PDCD2: variants seen among roughly 807,000 people sequenced by gnomAD.
PDCD2 encodes the protein programmed cell death 2, also known as uS5 assembly chaperone PDCD2.
Under a neutral mutation model 38.1 loss-of-function variants are expected in PDCD2, and 38 were observed. The observed-to-expected ratio is 1.00, with a 90% CI of 0.77 to 1.31. The LOEUF is 1.31. Ranked by LOEUF, PDCD2 falls within the 50% of genes most tolerant of loss-of-function variation. The pLI is 0.00. For missense variants in PDCD2, 473 were observed against 435.7 expected (o/e 1.09, Z -0.76); for synonymous variants, 205 against 168.9 (o/e 1.21, Z -1.66).
chr6:170,578,381 A>C, intron 5 of PDCD2: 1 of 494,250 alleles, frequency 2.0e-6, no homozygotes, highest in Non-Finnish European at 3.6e-6. Flanking sequence ...TTTGATGCTA[A>C]CAAATCCTTT....
At chr6:170,583,852 G>C in intron 1 of PDCD2, 105 bp from the exon 2 acceptor site, 2 of 941,936 alleles carry the variant, frequency 2.1e-6, no homozygotes. Context: ...AAAAAGAAAT[G>C]AAAGTTTTTG....
chr6:170,579,680 G>A lies in PDCD2; in HGVS notation c.762+322C>T, dbSNP rs529161313. 10 of 184,290 alleles carry A rather than the reference G, an allele frequency of 5.4e-5. 1 individual carries two copies. In the East Asian group the frequency reaches 1.1e-3, roughly 20 times the overall value. The allele number at this position is 184,290 out of a possible 1,614,324, so 11.4% of individuals were successfully genotyped here. On this transcript the variant is annotated intron_variant, in intron 4 of 5. Transcript: ENST00000541970. ...TAACCTTTTTTCTTTCTGGCGGGGGGGCCAATGGTGCCTAAACCTCATGTA... is the reference window on the plus strand; with the variant it reads ...TAACCTTTTTTCTTTCTGGCGGGGGAGCCAATGGTGCCTAAACCTCATGTA...
At chr6:170,583,299 G>A (rs913734811) in intron 2 of PDCD2, 111 bp from the exon 3 acceptor site, 53 of 932,604 alleles carry the variant, frequency 5.7e-5, no homozygotes, top group African/African-American at 1.0e-4. Context: ...TTTAGATAAA[G>A]GGTCATAAAT....
intron 4 of PDCD2, chr6:170,579,780 T>C: frequency 2.4e-6 from 1 of 417,886 alleles, no homozygotes; most frequent in Non-Finnish European, 4.3e-6. Context: ...ATAAACAGTA[T>C]AACCTTTAGT....
At position 170,582,804 on chromosome 6, in the gene PDCD2, C is replaced by T; in HGVS notation, c.658+253G>A. The T allele has an allele frequency of 3.8e-6, 5 of 1,304,074 alleles. No individual in the cohort carries two copies. The South Asian group carries it at 9.0e-5, about 24-fold the overall frequency. 80.8% of individuals were successfully genotyped at this position (1,304,074 alleles called of 1,614,324 possible). Reference sequence around the variant, plus strand: ...CCAGAGGAACTTACCAAGCCTCCAGCATCTTGTGCAGCCCTACTCATGGGA... The same window carrying T: ...CCAGAGGAACTTACCAAGCCTCCAGTATCTTGTGCAGCCCTACTCATGGGA... On this transcript the variant is annotated intron_variant, in intron 3 of 5. Transcript: ENST00000541970.
Position 170,584,385 on chromosome 6 carries a change from G to A in PDCD2, c.197C>T (p.Ala66Val), listed in dbSNP as rs1238443523. Reference protein sequence around the residue: ...RPLSFLLQVYAPLPGRPDAFH... With the variant: ...RPLSFLLQVYVPLPGRPDAFH... ...GGCGTCCGGGCGGCCAGGCAGCGGCGCATACACCTGCAGCAGGAAGGAGAG... is the reference window on the plus strand; with the variant it reads ...GGCGTCCGGGCGGCCAGGCAGCGGCACATACACCTGCAGCAGGAAGGAGAG... Residue 66 changes from alanine (A) to valine (V), a missense_variant, in exon 1 of 6, where the codon GCG becomes GTG. Physicochemically the swap from Ala to Val is moderately conservative, Grantham distance 64 (BLOSUM62 0). Coordinates refer to ENST00000541970, the MANE Select transcript of PDCD2 (RefSeq NM_002598.4). 2 of 1,473,832 alleles carry A rather than the reference G, an allele frequency of 1.4e-6. No individual in the cohort carries two copies. Among genetic ancestry groups the A allele is most frequent in the South Asian group, 1.4e-5 (1 of 73,480 alleles). 91.3% of individuals were successfully genotyped at this position (1,473,832 alleles called of 1,614,324 possible).
chr6:170,578,286 A>G (rs1457372295), intron 5 of PDCD2, among the ~76,000 whole-genome samples: 1 of 152,194 alleles, frequency 6.6e-6, no homozygotes, highest in Non-Finnish European at 1.5e-5. Context: ...TTTTTTACCC[A>G]AAGAAACAAA....
intron 5 of PDCD2, 178 bp downstream of exon 5, chr6:170,578,679 A>G: frequency 5.7e-6 from 4 of 705,158 alleles, no homozygotes; most frequent in Non-Finnish European, 1.0e-5. Flanking sequence ...AAAAAACAAG[A>G]CAGTTCCTTC....
Position 170,583,709 on chromosome 6 carries a change from A to G in PDCD2, c.322T>C (p.Ser108Pro). 3.7e-6 allele frequency: 6 copies of G among 1,613,404 alleles called. No individual in the cohort carries two copies. The highest frequency in any genetic ancestry group is 5.1e-6 in the Non-Finnish European group (6 of 1,179,448). Reference protein sequence around the residue: ...NQLPRKNDFYSYEPPSENPPP... With the variant: ...NQLPRKNDFYPYEPPSENPPP... ...GGATTCTCAGAAGGTGGCTCATATG[A>G]GTAAAAATCGTTTTTCCTGGGTAGT... Residue 108 changes from serine (S) to proline (P), a missense_variant, in exon 2 of 6, where the codon TCA becomes CCA. By Grantham distance (74) the Ser-to-Pro change is moderately conservative. Coordinates refer to ENST00000541970, the MANE Select transcript of PDCD2 (RefSeq NM_002598.4).
rs1327776825 is a variant in PDCD2 at position 170,582,277 on chromosome 6, C to T, written c.658+780G>A. 20 of 1,502,492 alleles carry T rather than the reference C, an allele frequency of 1.3e-5. No individual in the cohort carries two copies. In the Admixed American group the frequency reaches 3.9e-4, roughly 30 times the overall value. The allele number at this position is 1,502,492 out of a possible 1,614,324, so 93.1% of individuals were successfully genotyped here. A position where few individuals can be genotyped will look rare whatever the true frequency, so the allele number is the denominator to read the frequency against. On this transcript the variant is annotated intron_variant, in intron 3 of 5. Coordinates refer to ENST00000541970, the MANE Select transcript of PDCD2 (RefSeq NM_002598.4). ...TTCCCATTATATCCCTGTTATCAAG[C>T]ACAAGGTCAGGCACAGAGTAAGACT...
intron 2 of PDCD2, 112 bp downstream of exon 2, chr6:170,583,393 A>C (rs1289923666): frequency 7.7e-7 from 1 of 1,295,596 alleles, no homozygotes; most frequent in African/African-American, 1.6e-5. Flanking sequence ...CAGGCATGAA[A>C]AATTTTAAAG....
At chr6:170,582,051 A>G (rs748879621) in intron 3 of PDCD2, 361 of 1,448,570 alleles carry the variant, frequency 2.5e-4, no homozygotes, top group Non-Finnish European at 3.2e-4. Context: ...TCTCCTAAAG[A>G]TAAGCATTTT....
At chr6:170,583,360 T>C in intron 2 of PDCD2, 145 bp downstream of exon 2, 1 of 1,001,186 alleles carries the variant, frequency 1.0e-6, no homozygotes, top group Non-Finnish European at 1.4e-6. Flanking sequence ...CACAGCCTTT[T>C]TTTTTTTTTT....
In PDCD2 at chr6:170,576,634, G is replaced by T. The variant is rs1779458096; in HGVS notation, c.*925C>A. 6.6e-6 allele frequency: 1 copy of T among 152,170 alleles called. No homozygotes were observed. The highest frequency in any genetic ancestry group is 2.4e-5 in the African/African-American group (1 of 41,436). 9.4% of individuals were successfully genotyped at this position (152,170 alleles called of 1,614,324 possible). A position where few individuals can be genotyped will look rare whatever the true frequency, so the allele number is the denominator to read the frequency against. On this transcript the variant is annotated 3_prime_UTR_variant, in exon 6 of 6. Transcript: ENST00000541970. Reference sequence around the variant, plus strand: ...TGTATCAGAAACATAATAGGCCAAGGGTCAGCCCTTTGAAAACTGACTTCA... The same window carrying T: ...TGTATCAGAAACATAATAGGCCAAGTGTCAGCCCTTTGAAAACTGACTTCA...
intron 3 of PDCD2, chr6:170,582,186 T>C: frequency 6.7e-7 from 1 of 1,494,980 alleles, no homozygotes; most frequent in South Asian, 1.2e-5. Flanking sequence ...ATATGGACTT[T>C]AACTTCCCCA....
At position 170,580,075 on chromosome 6, in the gene PDCD2, A is replaced by G. The variant is rs745426165; in HGVS notation, c.689T>C (p.Met230Thr). ...GEALEEELDS[M>T]AKHESREDKI... is the part of the protein sequence containing the mutation. The stretch of plus-strand genomic sequence containing the variant: ...ATCTTCCCTGGATTCATGTTTTGCC[A>G]TGGAATCCAGTTCTTCCTCAAGTGC... Residue 230 changes from methionine (M) to threonine (T), a missense_variant, in exon 4 of 6, where the codon ATG becomes ACG. Physicochemically the swap from Met to Thr is moderately conservative, Grantham distance 81 (BLOSUM62 -1). Transcript: ENST00000541970. The G allele has an allele frequency of 2.5e-6, 4 of 1,611,452 alleles. No individual in the cohort carries two copies. The highest frequency in any genetic ancestry group is 2.2e-5 in the East Asian group (1 of 44,858).
chr6:170,577,506 G>T lies in PDCD2; in HGVS notation c.*53C>A. On this transcript the variant is annotated 3_prime_UTR_variant, in exon 6 of 6. Transcript: ENST00000541970. ...TTCCTTAGGATAAAATCCCAGAAAT[G>T]GAATTGCAAGGTATAAAAGATTATT... 2.7e-6 allele frequency: 4 copies of T among 1,455,230 alleles called. No individual in the cohort carries two copies. The highest frequency in any genetic ancestry group is 2.4e-5 in the South Asian group (2 of 84,474). 90.1% of individuals were successfully genotyped at this position (1,455,230 alleles called of 1,614,324 possible).
In PDCD2 at chr6:170,576,483, A is replaced by T. The variant is rs77376186; in HGVS notation, c.*1076T>A. On this transcript the variant is annotated 3_prime_UTR_variant, in exon 6 of 6. Transcript: ENST00000541970. ...ATTAGCCGTCAGTATTCAAGCACTG[A>T]TCAACAGCAATGTGTCTTAAGGGCA... 1.3e-5 allele frequency: 2 copies of T among 152,232 alleles called. No individual in the cohort carries two copies. Among genetic ancestry groups the T allele is most frequent in the Non-Finnish European group, 2.9e-5 (2 of 68,054 alleles). 9.4% of individuals were successfully genotyped at this position (152,232 alleles called of 1,614,324 possible). A position where few individuals can be genotyped will look rare whatever the true frequency, so the allele number is the denominator to read the frequency against.
In PDCD2 at chr6:170,583,606, C is replaced by A. The variant is rs1188277838; in HGVS notation, c.425G>T (p.Gly142Val). Reference protein sequence around the residue: ...AHLCRVCGCLGPKTCSRCHKA... With the variant: ...AHLCRVCGCLVPKTCSRCHKA... ...GTGGCATCTGGAGCACGTTTTGGGG[C>A]CTAAACAGCCACAAACCCTGCAGAG... The change falls in exon 2 of 6, where the codon GGC (glycine) becomes GTC (valine). Residue 142 changes from glycine (G) to valine (V), a missense_variant. Transcript: ENST00000541970. 1.2e-6 allele frequency: 2 copies of A among 1,613,738 alleles called. No individual in the cohort carries two copies. Among genetic ancestry groups the A allele is most frequent in the Admixed American group, 3.3e-5 (2 of 59,978 alleles).
Sources: gnomAD v4.1 joint callset for allele counts (sites outside exome capture counted in the v4.1 genomes callset) on GRCh38, gnomAD v4.1.1 for gene constraint, MANE v1.5 for transcripts, NCBI Gene and HGNC (gene_info 2026-07-23, HGNC 2026-07-21) for gene names.